The following CCDC125 variants were observed in gnomAD, a reference collection of about 807,000 sequenced individuals.
The protein encoded by CCDC125 is coiled-coil domain-containing protein 125.
CCDC125 carries 43 observed loss-of-function variants against 57.4 expected under a neutral mutation model. The observed-to-expected ratio is 0.75, with a 90% CI of 0.59 to 0.97. CCDC125 has a LOEUF of 0.97. Among genes scored for constraint, CCDC125 ranks in the 50% least tolerant of loss-of-function variants. The probability of loss-of-function intolerance (pLI) is 0.00; values close to 1 mark genes in which losing one functional copy is unlikely to be tolerated. For synonymous variants in CCDC125, 187 were observed against 195.2 expected (o/e 0.96, Z 0.35); for missense variants, 563 against 595.7 (o/e 0.95, Z 0.57).
chr5:69,273,468 C>G, the CCDC125 span, among the ~76,000 whole-genome samples: 1 of 152,012 alleles, frequency 6.6e-6, no homozygotes, highest in Non-Finnish European at 1.5e-5. Flanking sequence ...TAATGCAATC[C>G]AGGTATGCAT....
At chr5:69,329,016 A>G (rs193012199) in intron 1 of CCDC125, among the ~76,000 whole-genome samples, 2 of 151,002 alleles carry the variant, frequency 1.3e-5, no homozygotes, top group Non-Finnish European at 3.0e-5. Context: ...GATGGTCTCA[A>G]TCTCCTGACC....
chr5:69,324,726 T>C (rs1002817207), intron 1 of CCDC125, among the ~76,000 whole-genome samples: 1 of 152,122 alleles, frequency 6.6e-6, no homozygotes, highest in East Asian at 1.9e-4. Context: ...AAAAAGCACA[T>C]ACTAGGCCGG....
chr5:69,305,111 T>C (rs184627378), intron 6 of CCDC125, among the ~76,000 whole-genome samples: 1 of 151,786 alleles, frequency 6.6e-6, no homozygotes, highest in Admixed American at 6.6e-5. Flanking sequence ...AGCAGCATCA[T>C]GCAAAATAGC....
At chr5:69,291,415 C>T (rs886566391) in intron 10 of CCDC125, among the ~76,000 whole-genome samples, 42 of 151,334 alleles carry the variant, frequency 2.8e-4, no homozygotes, top group Admixed American at 2.4e-3. Context: ...AGTGCAGTGG[C>T]GCGATCTCAG....
chr5:69,287,066 G>A (rs554028682), intron 10 of CCDC125, among the ~76,000 whole-genome samples: 3 of 150,420 alleles, frequency 2.0e-5, no homozygotes, highest in Non-Finnish European at 2.9e-5. Flanking sequence ...AACTACTTCC[G>A]GAAACTTGTC....
intron 5 of CCDC125, 116 bp from the exon 6 acceptor site, chr5:69,307,018 A>G (rs1348898618): frequency 8.6e-7 from 1 of 1,168,408 alleles, no homozygotes; most frequent in Non-Finnish European, 1.1e-6. Context: ...TTAAAGAGAA[A>G]AAATTAATTA....
At chr5:69,276,855 T>A (rs987884083), downstream of CCDC125, among the ~76,000 whole-genome samples, 4 of 152,260 alleles carry the variant, frequency 2.6e-5, no homozygotes, top group African/African-American at 7.2e-5. Flanking sequence ...TTAGGTATGT[T>A]TACTTTCATT....
At chr5:69,304,582 C>T (rs894528785) in intron 6 of CCDC125, among the ~76,000 whole-genome samples, 1 of 151,578 alleles carries the variant, frequency 6.6e-6, no homozygotes, top group Non-Finnish European at 1.5e-5. Flanking sequence ...CCCGCCACCA[C>T]GCCCGGCCAA....
chr5:69,313,871 A>G, intron 3 of CCDC125, 114 bp downstream of exon 3: 1 of 893,814 alleles, frequency 1.1e-6, no homozygotes, highest in South Asian at 1.3e-5. Context: ...AACAGAGGCC[A>G]TGTTTCCAGA....
downstream of CCDC125, among the ~76,000 whole-genome samples, chr5:69,276,852 T>C (rs1752202015): frequency 6.6e-6 from 1 of 152,270 alleles, no homozygotes; most frequent in Non-Finnish European, 1.5e-5. Flanking sequence ...GTTTTAGGTA[T>C]GTTTACTTTC....
downstream of CCDC125, among the ~76,000 whole-genome samples, chr5:69,275,857 A>G (rs559304261): frequency 2.0e-5 from 3 of 152,280 alleles, no homozygotes; most frequent in Middle Eastern, 3.4e-3. Flanking sequence ...TATAAGCTGT[A>G]TATGAAACAT....
At position 69,285,177 on chromosome 5, in the gene CCDC125, T is replaced by A. The variant is rs4540138; in HGVS notation, c.1230+160A>T. The stretch of plus-strand genomic sequence containing the variant: ...AATGATAGCTGATGAACTAAAAAAA[T>A]ATATATATATATCAAAAAGATCTCA... On this transcript the variant is annotated intron_variant, in intron 11 of 11. Coordinates refer to ENST00000396496, the MANE Select transcript of CCDC125 (RefSeq NM_176816.5). Among the ~76,000 whole-genome samples the A allele has an allele frequency of 3.2e-3, 479 of 151,752 alleles. 3 individuals carry two copies. Among genetic ancestry groups the A allele is most frequent in the African/African-American group, 9.2e-3 (381 of 41,390 alleles).
chr5:69,282,993 A>G lies in CCDC125; in HGVS notation c.1272T>C (p.Val424=). ...KEEALAHQRK[V]SYMLARALED... ...CCAATGCCCGAGCAAGCATGTAGCT[A>G]ACTTTTCTTTGATGAGCCAAAGCTT... The change falls in exon 12 of 12, where the codon GTT becomes GTC. Residue 424 remains valine (V), a synonymous_variant. Coordinates refer to ENST00000396496, the MANE Select transcript of CCDC125 (RefSeq NM_176816.5). 1 of 1,606,320 alleles carries G rather than the reference A, an allele frequency of 6.2e-7. No homozygotes were observed. The highest frequency in any genetic ancestry group is 8.5e-7 in the Non-Finnish European group (1 of 1,177,320).
chr5:69,283,792 A>ATT (rs35950289), intron 11 of CCDC125, among the ~76,000 whole-genome samples: 4 of 139,686 alleles, frequency 2.9e-5, no homozygotes, highest in East Asian at 2.2e-4. Context: ...CAGGCTGACA[A>ATT]TTTTTTTTTT....
chr5:69,289,362 C>A (rs1404399417), intron 10 of CCDC125, among the ~76,000 whole-genome samples: 1 of 152,188 alleles, frequency 6.6e-6, no homozygotes. Context: ...AGATTATCTA[C>A]ACATAGCTGT....
intron 8 of CCDC125, among the ~76,000 whole-genome samples, chr5:69,296,878 C>T (rs530448193): frequency 5.3e-5 from 8 of 152,004 alleles, no homozygotes; most frequent in South Asian, 4.2e-4. Context: ...GCAGGAGAAT[C>T]GCTTGAACCC....
chr5:69,292,273 A>T lies in CCDC125; in HGVS notation c.1014T>A (p.Asn338Lys). 1 of 1,613,592 alleles carries T rather than the reference A, an allele frequency of 6.2e-7. No homozygotes were observed. Among genetic ancestry groups the T allele is most frequent in the East Asian group, 2.2e-5 (1 of 44,870 alleles). Reference protein sequence around the residue: ...IAFEQQLMRKNDQALQLTQMD... With the variant: ...IAFEQQLMRKKDQALQLTQMD... Reference sequence around the variant, plus strand: ...TTTGTGTCAATTGTAGTGCCTGGTCATTTTTTCTCATTAATTGTTGCTCAA... The same window carrying T: ...TTTGTGTCAATTGTAGTGCCTGGTCTTTTTTTCTCATTAATTGTTGCTCAA... The change falls in exon 10 of 12, where the codon AAT (asparagine) becomes AAA (lysine). Residue 338 changes from asparagine (N) to lysine (K), a missense_variant. Physicochemically the swap from Asn to Lys is moderately conservative, Grantham distance 94 (BLOSUM62 0). Transcript: ENST00000396496.
At chr5:69,332,449 GA>G (rs1205248901) in intron 1 of CCDC125, among the ~76,000 whole-genome samples, 199 bp downstream of exon 1, 2 of 152,110 alleles carry the variant, frequency 1.3e-5, no homozygotes, top group Admixed American at 6.6e-5. Context: ...TAACAGAAGA[GA>G]AAAAAAGTAA....
intron 11 of CCDC125, among the ~76,000 whole-genome samples, chr5:69,283,913 C>T (rs564138472): frequency 1.3e-5 from 2 of 151,914 alleles, no homozygotes; most frequent in South Asian, 4.2e-4. Flanking sequence ...GTCTCAGCCT[C>T]CCATGTAGCT....
Sources: allele counts gnomAD v4.1 joint callset (sites outside exome capture counted in the v4.1 genomes callset), GRCh38; gene constraint gnomAD v4.1.1; transcripts MANE v1.5; gene names NCBI Gene and HGNC (gene_info 2026-07-23, HGNC 2026-07-21).